PCDH15: variants seen among roughly 807,000 people sequenced by gnomAD.
The protein encoded by PCDH15 is protocadherin related 15.
Under a neutral mutation model 178.5 loss-of-function variants are expected in PCDH15, and 129 were observed. That is an observed-to-expected ratio of 0.72 (90% CI 0.63 to 0.84). PCDH15 has a LOEUF of 0.84. Among genes scored for constraint, PCDH15 ranks in the 40% least tolerant of loss-of-function variants. The pLI is 0.00. For synonymous variants in PCDH15, 800 were observed against 732.0 expected (o/e 1.09, Z -1.50); for missense variants, 2,230 against 2,099.9 (o/e 1.06, Z -1.21).
At chr10:54,977,205 G>C (rs754691070) in intron 2 of PCDH15, among the ~76,000 whole-genome samples, 5 of 152,140 alleles carry the variant, frequency 3.3e-5, no homozygotes, top group Non-Finnish European at 5.9e-5. Context: ...GGTAAAATGA[G>C]ACTGACACTT....
chr10:53,808,995 T>C (rs894263744), intron 37 of PCDH15: 1 of 1,568,134 alleles, frequency 6.4e-7, no homozygotes, highest in African/African-American at 1.4e-5. Flanking sequence ...TAGGTTCTTT[T>C]TGTTCTTCTT....
chr10:55,484,292 TA>T (rs1252446615), intron 2 of PCDH15, among the ~76,000 whole-genome samples: 1 of 151,318 alleles, frequency 6.6e-6, no homozygotes, highest in Non-Finnish European at 1.5e-5. Flanking sequence ...AACTTAAAGT[TA>T]AAAAATAAAA....
intron 2 of PCDH15, among the ~76,000 whole-genome samples, chr10:55,579,694 C>T (rs1842567119): frequency 6.6e-6 from 1 of 152,086 alleles, no homozygotes. Context: ...ATCATGGCAG[C>T]AAACATTATG....
At chr10:55,479,834 C>A (rs997751115) in intron 2 of PCDH15, among the ~76,000 whole-genome samples, 1 of 151,548 alleles carries the variant, frequency 6.6e-6, no homozygotes, top group Non-Finnish European at 1.5e-5. Flanking sequence ...ACTCACCATA[C>A]AATAATTAGT....
At chr10:55,032,194 C>T (rs575656605) in intron 2 of PCDH15, among the ~76,000 whole-genome samples, 2 of 152,194 alleles carry the variant, frequency 1.3e-5, no homozygotes, top group Admixed American at 6.5e-5. Flanking sequence ...TGATTAGGTC[C>T]CAGATGGAAA....
intron 2 of PCDH15, among the ~76,000 whole-genome samples, chr10:54,620,886 C>G (rs781031838): frequency 6.6e-6 from 1 of 151,900 alleles, no homozygotes; most frequent in Non-Finnish European, 1.5e-5. Flanking sequence ...ATAAAACACT[C>G]TACCATGCTT....
At chr10:53,997,440 G>A (rs1172780997) in intron 20 of PCDH15, among the ~76,000 whole-genome samples, 1 of 152,030 alleles carries the variant, frequency 6.6e-6, no homozygotes, top group Non-Finnish European at 1.5e-5. Flanking sequence ...CCCCTAAATT[G>A]TAACTTCTGA....
chr10:55,191,736 C>G (rs1362794062), intron 1 of PCDH15, among the ~76,000 whole-genome samples: 1 of 151,820 alleles, frequency 6.6e-6, no homozygotes, highest in Non-Finnish European at 1.5e-5. Flanking sequence ...CCAGCAAACC[C>G]AAGAAGTGAC....
At chr10:53,846,478 C>G (rs957608159) in intron 28 of PCDH15, among the ~76,000 whole-genome samples, 2 of 151,872 alleles carry the variant, frequency 1.3e-5, no homozygotes, top group Non-Finnish European at 2.9e-5. Context: ...CAATACAAAA[C>G]AGTTTATCTA....
intron 1 of PCDH15, among the ~76,000 whole-genome samples, chr10:54,800,102 T>C (rs1952507285): frequency 6.6e-6 from 1 of 152,158 alleles, no homozygotes; most frequent in South Asian, 2.1e-4. Context: ...TAGTTAACAA[T>C]GGCTTTCTGC....
At chr10:55,394,987 T>C (rs747599025) in intron 2 of PCDH15, among the ~76,000 whole-genome samples, 1 of 152,106 alleles carries the variant, frequency 6.6e-6, no homozygotes. Context: ...TTGGGCAACG[T>C]GAATTGTAAT....
At position 54,240,289 on chromosome 10, in the gene PCDH15, A is replaced by G. The variant is rs539124488; in HGVS notation, c.877-3358T>C. Among the ~76,000 whole-genome samples the G allele has an allele frequency of 6.2e-4, 94 of 152,114 alleles. 2 individuals carry two copies. The highest frequency in any genetic ancestry group is 6.1e-3 in the Admixed American group (93 of 15,258). On this transcript the variant is annotated intron_variant, in intron 8 of 37. Transcript: ENST00000644397. ...AAGTATTTTTTTTTAACAACAGGGT[A>G]AATCCAAAGAAAACTGAGTAAAAAT...
At chr10:53,837,103 C>T (rs1203592017) in intron 29 of PCDH15, among the ~76,000 whole-genome samples, 16 of 112,000 alleles carry the variant, frequency 1.4e-4, no homozygotes, top group African/African-American at 2.8e-4. Context: ...TCTATGTGGG[C>T]GGGGGAGGGG....
chr10:55,484,975 G>C (rs567376325), intron 2 of PCDH15, among the ~76,000 whole-genome samples: 1 of 151,760 alleles, frequency 6.6e-6, no homozygotes, highest in South Asian at 2.1e-4. Flanking sequence ...ATTGTTCTGG[G>C]GAAGGATTTT....
chr10:54,252,844 A>G (rs1484395068), intron 8 of PCDH15, among the ~76,000 whole-genome samples: 1 of 151,900 alleles, frequency 6.6e-6, no homozygotes, highest in African/African-American at 2.4e-5. Context: ...AATAAATATT[A>G]GTTTTATAAT....
intron 1 of PCDH15, among the ~76,000 whole-genome samples, chr10:55,260,070 A>T (rs1399124253): frequency 6.6e-6 from 1 of 151,940 alleles, no homozygotes; most frequent in African/African-American, 2.4e-5. Context: ...AAAGAGTGAA[A>T]GACAGATGGA....
intron 2 of PCDH15, among the ~76,000 whole-genome samples, chr10:55,506,444 C>T (rs748252061): frequency 6.6e-6 from 1 of 151,466 alleles, no homozygotes; most frequent in Non-Finnish European, 1.5e-5. Context: ...TGTGTGGGAA[C>T]TCTGTCATCT....
intron 3 of PCDH15, among the ~76,000 whole-genome samples, chr10:54,385,808 ATTTTATTCATT>A (rs1949848972): frequency 6.6e-6 from 1 of 152,162 alleles, no homozygotes; most frequent in Non-Finnish European, 1.5e-5. Flanking sequence ...TCTAAAGGTC[ATTTTATTCATT>A]TGGTCTGTAA....
chr10:55,502,442 A>G (rs1840676972), intron 2 of PCDH15, among the ~76,000 whole-genome samples: 1 of 151,702 alleles, frequency 6.6e-6, no homozygotes, highest in Admixed American at 6.6e-5. Context: ...AGTATACACT[A>G]TCATGATCAC....
Sources: gnomAD v4.1 joint callset for allele counts (sites outside exome capture counted in the v4.1 genomes callset) on GRCh38, gnomAD v4.1.1 for gene constraint, MANE v1.5 for transcripts, NCBI Gene and HGNC (gene_info 2026-07-23, HGNC 2026-07-21) for gene names.